Variants in ZNF831 observed in about 807,000 individuals in gnomAD.
ZNF831 encodes the protein chromosome 20 open reading frame 174.
In ZNF831, 59 loss-of-function variants were observed where a neutral mutation model predicts 95.8. That is an observed-to-expected ratio of 0.62 (90% CI 0.50 to 0.77). The LOEUF is 0.77. ZNF831 is among the 30% of genes least tolerant of loss of function. The pLI, the probability that ZNF831 is intolerant of heterozygous loss-of-function variation, is 0.00. For synonymous variants in ZNF831, 961 were observed against 925.5 expected, an observed-to-expected ratio of 1.04 and a Z score of -0.70; for missense variants, 2,205 against 2,164.0, an observed-to-expected ratio of 1.02 and a Z score of -0.38.
intron 1 of ZNF831, among the ~76,000 whole-genome samples, chr20:59,185,325 C>T (rs980077517): frequency 5.3e-5 from 8 of 152,194 alleles, no homozygotes; most frequent in Middle Eastern, 3.2e-3. Context: ...GATCACAGAA[C>T]AGGCTGCAGA....
chr20:59,142,173 G>A (rs1447517154), intron 1 of ZNF831, among the ~76,000 whole-genome samples: 1 of 152,226 alleles, frequency 6.6e-6, no homozygotes, highest in African/African-American at 2.4e-5. Context: ...GTGATGGGTA[G>A]TAGAGAGTCA....
chr20:59,254,037 T>G lies in ZNF831; in HGVS notation c.4328T>G (p.Leu1443Arg), dbSNP rs1475559021. The G allele has an allele frequency of 1.2e-6, 2 of 1,614,110 alleles. No homozygotes were observed. The highest frequency in any genetic ancestry group is 3.3e-5 in the Admixed American group (2 of 60,012). The change falls in exon 6 of 6, where the codon CTT becomes CGT. Residue 1443 changes from leucine (L) to arginine (R), a missense_variant. Physicochemically the swap from Leu to Arg is moderately radical, Grantham distance 102. Transcript: ENST00000371030. This position sits in a 1 kb window ranked among gnomAD's most constrained non-coding sequence, Gnocchi z 4.5. ...VPLPPGKGLD[L>R]GLLETQLLAS... is the part of the protein sequence containing the mutation. The stretch of plus-strand genomic sequence containing the variant: ...CTACCCCCTGGCAAAGGTCTTGACC[T>G]TGGGTTGCTGGAGACTCAGCTGCTG...
chr20:59,151,812 C>T (rs899930338), intron 2 of ZNF831, among the ~76,000 whole-genome samples: 3 of 152,194 alleles, frequency 2.0e-5, no homozygotes, highest in Admixed American at 6.5e-5. Context: ...ATGTTCTCCA[C>T]GAGGGAACGC....
intron 1 of ZNF831, among the ~76,000 whole-genome samples, chr20:59,181,095 T>A (rs555307736): frequency 1.3e-5 from 2 of 152,394 alleles, no homozygotes; most frequent in East Asian, 3.9e-4. Flanking sequence ...TATCTCATTG[T>A]GGTTTTGATT....
intron 4 of ZNF831, among the ~76,000 whole-genome samples, chr20:59,245,993 C>A (rs1312795449): frequency 6.6e-6 from 1 of 152,074 alleles, no homozygotes; most frequent in Admixed American, 6.6e-5. Context: ...GGGTTGAATA[C>A]ATCTCTGGCA....
intron 4 of ZNF831, among the ~76,000 whole-genome samples, chr20:59,207,505 A>C (rs571361568): frequency 2.4e-4 from 36 of 152,106 alleles, no homozygotes; most frequent in South Asian, 1.2e-3. Flanking sequence ...TAGTTATGTG[A>C]GGCTGCAGGG....
At chr20:59,182,613 C>G (rs1049888213) in intron 1 of ZNF831, among the ~76,000 whole-genome samples, 1 of 152,172 alleles carries the variant, frequency 6.6e-6, no homozygotes, top group African/African-American at 2.4e-5. Context: ...GATTGACCAT[C>G]TACAGGGAAA....
chr20:59,192,159 C>A lies in ZNF831; in HGVS notation c.1140C>A (p.Gly380=), dbSNP rs1253865971. 2 of 1,559,356 alleles carry A rather than the reference C, an allele frequency of 1.3e-6. No individual in the cohort carries two copies. Among genetic ancestry groups the A allele is most frequent in the East Asian group, 2.3e-5 (1 of 43,470 alleles). ...SAESEGEGGP[G]PGPGVAGAEP... is the part of the protein sequence containing the mutation. Reference sequence around the variant, plus strand: ...AGTCCGAGGGGGAGGGCGGCCCGGGCCCGGGGCCAGGGGTCGCAGGGGCCG... The same window carrying A: ...AGTCCGAGGGGGAGGGCGGCCCGGGACCGGGGCCAGGGGTCGCAGGGGCCG... Residue 380 remains glycine, a synonymous_variant, in exon 2 of 6, where the codon GGC becomes GGA. Coordinates refer to ENST00000371030, the MANE Select transcript of ZNF831 (RefSeq NM_178457.3). The surrounding 1 kb of genome is among the most constrained non-coding windows in gnomAD (Gnocchi z 5.2).
intron 4 of ZNF831, among the ~76,000 whole-genome samples, chr20:59,210,671 A>G (rs918814986): frequency 1.3e-5 from 2 of 152,140 alleles, no homozygotes; most frequent in East Asian, 1.9e-4. Flanking sequence ...AGCCTCAGGG[A>G]AGGGTCCTGC....
At chr20:59,146,845 T>C (rs1291336731) in intron 2 of ZNF831, 5 of 152,226 alleles carry the variant, frequency 3.3e-5, no homozygotes, top group African/African-American at 7.2e-5. Flanking sequence ...TTTTTTAAAA[T>C]AGGCTTCCTT....
At chr20:59,190,932 G>A (rs2146540813) in intron 1 of ZNF831, 52 bp from the exon 2 acceptor site, 1 of 1,433,804 alleles carries the variant, frequency 7.0e-7, no homozygotes, top group Non-Finnish European at 9.1e-7. Context: ...AAGATTTACT[G>A]CATGAGGAGA....
chr20:59,253,132 T>G lies in ZNF831; in HGVS notation c.4182T>G (p.Thr1394=), dbSNP rs761704452. ...TTGTCAGGGAAATGGACAAACGAAC[T>G]GTGAAGGTGGGCATGATGATTTTGA... ...SRIVREMDKR[T]VKDISPSAGE... Residue 1394 remains threonine, a synonymous_variant, in exon 5 of 6, where the codon ACT becomes ACG. Transcript: ENST00000371030. The G allele has an allele frequency of 6.2e-7, 1 of 1,614,034 alleles. No individual in the cohort carries two copies. The highest frequency in any genetic ancestry group is 8.5e-7 in the Non-Finnish European group (1 of 1,179,938).
At position 59,191,131 on chromosome 20, in the gene ZNF831, G is replaced by C. The variant is rs1367921975; in HGVS notation, c.112G>C (p.Gly38Arg). The change falls in exon 2 of 6, where the codon GGC becomes CGC. Residue 38 changes from glycine to arginine, a missense_variant. Coordinates refer to ENST00000371030, the MANE Select transcript of ZNF831 (RefSeq NM_178457.3). ...CCAGGCCTCACCTCACCTGACCCTG[G>C]GCCCTGTCCTTCTGCCGCCAGAGCA... is the stretch of plus-strand genomic sequence containing the variant. Reference protein sequence around the residue: ...GGQASPHLTLGPVLLPPEQGL... With the variant: ...GGQASPHLTLRPVLLPPEQGL... 1 of 1,598,936 alleles carries C rather than the reference G, an allele frequency of 6.3e-7. No homozygotes were observed. Among genetic ancestry groups the C allele is most frequent in the South Asian group, 1.1e-5 (1 of 90,438 alleles).
Position 59,192,300 on chromosome 20 carries a change from G to A in ZNF831, c.1281G>A (p.Val427=), listed in dbSNP as rs755613055. 1.5e-5 allele frequency: 24 copies of A among 1,590,862 alleles called. No homozygotes were observed. Among genetic ancestry groups the A allele is most frequent in the Non-Finnish European group, 2.1e-5 (24 of 1,168,062 alleles). The change falls in exon 2 of 6, where the codon GTG becomes GTA. Residue 427 remains valine, a synonymous_variant. Transcript: ENST00000371030. The surrounding 1 kb of genome is among the most constrained non-coding windows in gnomAD (Gnocchi z 5.2). Reference sequence around the variant, plus strand: ...TGGACGATGCCCAGCTGGACAACGTGCGGCCCCGGAAGACCGGGCTGTCCA... The same window carrying A: ...TGGACGATGCCCAGCTGGACAACGTACGGCCCCGGAAGACCGGGCTGTCCA... ...AVVDDAQLDN[V]RPRKTGLSKQ... is the part of the protein sequence containing the mutation.
chr20:59,196,059 T>C, intron 3 of ZNF831, 54 bp downstream of exon 3: 1 of 1,595,584 alleles, frequency 6.3e-7, no homozygotes, highest in Non-Finnish European at 8.5e-7. Context: ...AAGAATTTAC[T>C]ATGGGATTTG....
intron 1 of ZNF831, among the ~76,000 whole-genome samples, chr20:59,174,185 C>T (rs1443493885): frequency 2.0e-5 from 3 of 152,076 alleles, no homozygotes; most frequent in African/African-American, 7.2e-5. Context: ...AGGAAACGGC[C>T]ACTGTGTGTG....
rs1291021152 is a variant in ZNF831, at chr20:59,254,647, C to T, written c.4938C>T (p.Leu1646=). 6.2e-7 allele frequency: 1 copy of T among 1,614,062 alleles called. No individual in the cohort carries two copies. Among genetic ancestry groups the T allele is most frequent in the Admixed American group, 1.7e-5 (1 of 60,022 alleles). The part of the protein sequence containing the change: ...IEIPEAPSKS[L]KKRSLEGMRK... ...TTCCTGAAGCCCCTTCTAAATCCCT[C>T]AAGAAGAGGAGTCTGGAAGGAATGA... Residue 1646 remains leucine, a synonymous_variant, in exon 6 of 6, where the codon CTC becomes CTT. Coordinates refer to ENST00000371030, the MANE Select transcript of ZNF831 (RefSeq NM_178457.3). This position sits in a 1 kb window ranked among gnomAD's most constrained non-coding sequence, Gnocchi z 4.5.
chr20:59,152,517 G>A (rs747895854), intron 2 of ZNF831, among the ~76,000 whole-genome samples: 12 of 152,294 alleles, frequency 7.9e-5, no homozygotes, highest in Non-Finnish European at 1.6e-4. Context: ...CGTGCATGCC[G>A]GGGCAGTGGG....
chr20:59,223,334 C>G (rs1986221249), intron 4 of ZNF831, among the ~76,000 whole-genome samples: 1 of 152,208 alleles, frequency 6.6e-6, no homozygotes, highest in Admixed American at 6.5e-5. Context: ...CCGGACCCTT[C>G]GCTTGCCAAG....
Sources: allele counts gnomAD v4.1 joint callset (sites outside exome capture counted in the v4.1 genomes callset), GRCh38; gene constraint gnomAD v4.1.1; non-coding constraint Gnocchi (gnomAD v3.1); transcripts MANE v1.5; gene names NCBI Gene and HGNC (gene_info 2026-07-23, HGNC 2026-07-21).